LRRTM4: variants seen among roughly 807,000 people sequenced by gnomAD.
LRRTM4 encodes the protein leucine rich repeat transmembrane neuronal 4, also known as leucine-rich repeat transmembrane neuronal protein 4.
Under a neutral mutation model 47.6 loss-of-function variants are expected in LRRTM4, and 25 were observed. The ratio of observed to expected loss-of-function variants is 0.53; its 90% confidence interval spans 0.38 to 0.73. The LOEUF is 0.73. Among genes scored for constraint, LRRTM4 ranks in the 30% least tolerant of loss-of-function variants. The pLI is 0.00. For synonymous variants in LRRTM4, 311 were observed against 269.5 expected, an observed-to-expected ratio of 1.15 and a Z score of -1.51; for missense variants, 638 against 713.4, an observed-to-expected ratio of 0.89 and a Z score of 1.20.
At chr2:76,790,829 C>G (rs756306598) in intron 3 of LRRTM4, among the ~76,000 whole-genome samples, 5 of 151,940 alleles carry the variant, frequency 3.3e-5, no homozygotes, top group Non-Finnish European at 5.9e-5. Context: ...TAATATCAGA[C>G]TTGGCATGTT....
chr2:77,255,907 A>G (rs1428780063), intron 3 of LRRTM4, among the ~76,000 whole-genome samples: 1 of 152,074 alleles, frequency 6.6e-6, no homozygotes, highest in African/African-American at 2.4e-5. Flanking sequence ...GAAGGAAGAA[A>G]ATAATGAGAC....
At chr2:77,357,855 G>C (rs1277723319) in intron 3 of LRRTM4, among the ~76,000 whole-genome samples, 3 of 152,050 alleles carry the variant, frequency 2.0e-5, no homozygotes, top group Non-Finnish European at 2.9e-5. Flanking sequence ...AATAAACAGA[G>C]ATGGGTAAAA....
intron 3 of LRRTM4, among the ~76,000 whole-genome samples, chr2:77,145,690 C>T (rs963663892): frequency 6.6e-6 from 1 of 151,718 alleles, no homozygotes; most frequent in African/African-American, 2.4e-5. Flanking sequence ...AGGAGAATGG[C>T]GTGAACCCGG....
At chr2:76,884,788 T>C (rs1054383102) in intron 3 of LRRTM4, among the ~76,000 whole-genome samples, 2 of 152,006 alleles carry the variant, frequency 1.3e-5, no homozygotes, top group South Asian at 4.1e-4. Context: ...ACGTCTGTTG[T>C]AAAAAAAGTA....
chr2:77,384,176 A>T (rs543382739), intron 3 of LRRTM4, among the ~76,000 whole-genome samples: 1 of 152,154 alleles, frequency 6.6e-6, no homozygotes, highest in South Asian at 2.1e-4. Context: ...AATATATCAG[A>T]CATTGTGATT....
intron 3 of LRRTM4, among the ~76,000 whole-genome samples, chr2:76,896,947 G>A (rs1178892606): frequency 6.6e-6 from 1 of 151,320 alleles, no homozygotes; most frequent in East Asian, 1.9e-4. Flanking sequence ...TTTGAAACAG[G>A]GAAATTAGAA....
At chr2:77,358,224 G>A (rs1191737455) in intron 3 of LRRTM4, among the ~76,000 whole-genome samples, 1 of 152,142 alleles carries the variant, frequency 6.6e-6, no homozygotes, top group Non-Finnish European at 1.5e-5. Flanking sequence ...TCTGCAGACG[G>A]TATGAGAAGC....
chr2:77,357,857 T>C (rs1209758908), intron 3 of LRRTM4, among the ~76,000 whole-genome samples: 5 of 152,124 alleles, frequency 3.3e-5, no homozygotes, highest in Admixed American at 2.6e-4. Flanking sequence ...TAAACAGAGA[T>C]GGGTAAAAAA....
At chr2:77,381,488 C>T (rs573695415) in intron 3 of LRRTM4, among the ~76,000 whole-genome samples, 4 of 151,936 alleles carry the variant, frequency 2.6e-5, no homozygotes, top group Non-Finnish European at 5.9e-5. Flanking sequence ...CAGTAAGAGT[C>T]ATACAGACTA....
intron 3 of LRRTM4, among the ~76,000 whole-genome samples, chr2:77,492,689 G>A (rs1558768980): frequency 6.6e-6 from 1 of 152,120 alleles, no homozygotes; most frequent in Non-Finnish European, 1.5e-5. Flanking sequence ...GGATCAAGAT[G>A]TAAAGATCCA....
At chr2:77,512,238 A>G (rs562416702) in intron 3 of LRRTM4, among the ~76,000 whole-genome samples, 2 of 152,268 alleles carry the variant, frequency 1.3e-5, no homozygotes, top group Admixed American at 6.6e-5. Context: ...GTCTTTGTAC[A>G]TATCTAGCAG....
At chr2:77,163,647 C>T (rs527850847) in intron 3 of LRRTM4, among the ~76,000 whole-genome samples, 1 of 152,188 alleles carries the variant, frequency 6.6e-6, no homozygotes, top group Admixed American at 6.5e-5. Flanking sequence ...AGAGTGGGGG[C>T]CAATATTCAA....
chr2:76,784,783 G>A (rs1371805396), intron 3 of LRRTM4, among the ~76,000 whole-genome samples: 1 of 149,004 alleles, frequency 6.7e-6, no homozygotes, highest in African/African-American at 2.4e-5. Flanking sequence ...AATTCTTTTT[G>A]TATGGTTTTT....
chr2:77,274,055 A>C (rs1487406316), intron 3 of LRRTM4, among the ~76,000 whole-genome samples: 2 of 151,904 alleles, frequency 1.3e-5, no homozygotes, highest in African/African-American at 2.4e-5. Flanking sequence ...CTTTATGTTC[A>C]CTCTGTGGAA....
intron 3 of LRRTM4, among the ~76,000 whole-genome samples, chr2:77,445,276 G>A (rs1271245924): frequency 6.6e-6 from 1 of 151,750 alleles, no homozygotes; most frequent in Non-Finnish European, 1.5e-5. Flanking sequence ...CAGAGTTGTA[G>A]TGGGAATTAC....
rs532135771 is a variant in LRRTM4 at position 76,873,533 on chromosome 2, T to C, written c.1552-124617A>G. 1.5e-3 allele frequency among the ~76,000 whole-genome samples: 217 copies of C among 145,176 alleles called. 3 individuals carry two copies. The highest frequency in any genetic ancestry group is 4.5e-3 in the African/African-American group (177 of 38,958). ...ATATATATATATATATATATATATA[T>C]ACAACATAGTTGTAAAATCAACTTT... On this transcript the variant is annotated intron_variant, in intron 3 of 3. Transcript: ENST00000409884.
intron 3 of LRRTM4, among the ~76,000 whole-genome samples, chr2:76,779,618 A>T (rs1674234545): frequency 6.6e-6 from 1 of 150,700 alleles, no homozygotes; most frequent in Admixed American, 6.6e-5. Flanking sequence ...GGCTTGGTAG[A>T]TCTTCCTCCA....
chr2:76,936,488 T>C (rs964935557), intron 3 of LRRTM4, among the ~76,000 whole-genome samples: 11 of 150,994 alleles, frequency 7.3e-5, no homozygotes, highest in Non-Finnish European at 1.5e-4. Context: ...CTAATGTAGA[T>C]GACGGGTTGA....
intron 3 of LRRTM4, among the ~76,000 whole-genome samples, chr2:77,033,018 G>C (rs1310051550): frequency 6.6e-6 from 1 of 152,014 alleles, no homozygotes. Context: ...ACAGCACACA[G>C]GGAATAAGAA....
Sources: gnomAD v4.1 joint callset for allele counts (sites outside exome capture counted in the v4.1 genomes callset) on GRCh38, gnomAD v4.1.1 for gene constraint, MANE v1.5 for transcripts, NCBI Gene and HGNC (gene_info 2026-07-23, HGNC 2026-07-21) for gene names.